MSRA: variants seen among roughly 807,000 people sequenced by gnomAD.
The protein encoded by MSRA is mitochondrial peptide methionine sulfoxide reductase.
In MSRA, 54 loss-of-function variants were observed where a neutral mutation model predicts 31.3. The observed-to-expected ratio is 1.73, with a 90% CI of 1.39 to 2.17. MSRA has a LOEUF of 2.17. MSRA is among the 30% of genes most tolerant of loss of function. The pLI is 0.00. For synonymous variants in MSRA, 169 were observed against 116.5 expected (o/e 1.45, Z -2.90); for missense variants, 507 against 300.9 (o/e 1.69, Z -5.07).
chr8:10,422,788 T>G (rs1044108208), intron 5 of MSRA, among the ~76,000 whole-genome samples: 8 of 152,210 alleles, frequency 5.3e-5, no homozygotes, highest in African/African-American at 1.7e-4. Flanking sequence ...GGCTACCCTA[T>G]GCAGAGGCAG....
chr8:10,361,765 A>T (rs921948915), intron 5 of MSRA, among the ~76,000 whole-genome samples: 31 of 152,364 alleles, frequency 2.0e-4, no homozygotes, highest in Non-Finnish European at 3.8e-4. Flanking sequence ...AACTCTTAAG[A>T]AAATCACTTA....
At chr8:10,265,551 A>T (rs1181806915) in intron 3 of MSRA, among the ~76,000 whole-genome samples, 3 of 152,216 alleles carry the variant, frequency 2.0e-5, no homozygotes, top group Non-Finnish European at 4.4e-5. Context: ...CAGGGACTAG[A>T]CCAGAACCCT....
intron 2 of MSRA, among the ~76,000 whole-genome samples, chr8:10,212,717 T>C (rs756589147): frequency 8.5e-5 from 13 of 152,218 alleles, no homozygotes; most frequent in Non-Finnish European, 1.5e-4. Flanking sequence ...TCTCCATTAC[T>C]TGAGATATTC....
At chr8:10,266,612 T>G (rs949762801) in intron 3 of MSRA, among the ~76,000 whole-genome samples, 1 of 152,176 alleles carries the variant, frequency 6.6e-6, no homozygotes, top group Admixed American at 6.5e-5. Flanking sequence ...TATCGGTTTT[T>G]TTTTTTATGG....
At chr8:10,272,553 C>T (rs868367797) in intron 3 of MSRA, among the ~76,000 whole-genome samples, 5 of 152,178 alleles carry the variant, frequency 3.3e-5, no homozygotes, top group Admixed American at 6.5e-5. Flanking sequence ...ACCGGGTCTA[C>T]GGATTCAAAT....
At chr8:10,067,472 A>T (rs948702746) in intron 1 of MSRA, among the ~76,000 whole-genome samples, 2 of 152,218 alleles carry the variant, frequency 1.3e-5, no homozygotes, top group Non-Finnish European at 2.9e-5. Flanking sequence ...TTTGGCAGTT[A>T]TGAATAAAGC....
chr8:10,157,732 A>T (rs181997275), intron 1 of MSRA, among the ~76,000 whole-genome samples: 1 of 151,982 alleles, frequency 6.6e-6, no homozygotes, highest in Non-Finnish European at 1.5e-5. Context: ...AGGTTCACAC[A>T]TTGCAATTGC....
chr8:10,062,287 C>G (rs1797242623), intron 1 of MSRA, among the ~76,000 whole-genome samples: 1 of 152,212 alleles, frequency 6.6e-6, no homozygotes, highest in Non-Finnish European at 1.5e-5. Flanking sequence ...ATCGGCAACC[C>G]TCTGGGGATG....
intron 1 of MSRA, among the ~76,000 whole-genome samples, chr8:10,150,522 A>G (rs763080256): frequency 7.2e-5 from 11 of 152,194 alleles, no homozygotes; most frequent in Non-Finnish European, 2.9e-5. Flanking sequence ...CATGTAATCA[A>G]CGGCTTACTA....
At chr8:10,098,914 G>A (rs1182596024) in intron 1 of MSRA, among the ~76,000 whole-genome samples, 1 of 152,180 alleles carries the variant, frequency 6.6e-6, no homozygotes, top group Admixed American at 6.5e-5. Context: ...AAACAACAGT[G>A]GCCTGTTTAT....
chr8:10,403,383 G>A (rs533327065), intron 5 of MSRA, among the ~76,000 whole-genome samples: 1 of 152,288 alleles, frequency 6.6e-6, no homozygotes, highest in East Asian at 1.9e-4. Context: ...AGCTCCACAT[G>A]CTCATGCCAT....
chr8:10,395,851 A>C (rs968515688), intron 5 of MSRA, among the ~76,000 whole-genome samples: 2 of 152,212 alleles, frequency 1.3e-5, no homozygotes, highest in African/African-American at 4.8e-5. Flanking sequence ...TAAAAATATA[A>C]AATGGTGCTC....
At chr8:10,190,618 T>C (rs1807428313) in intron 1 of MSRA, among the ~76,000 whole-genome samples, 1 of 152,256 alleles carries the variant, frequency 6.6e-6, no homozygotes, top group Non-Finnish European at 1.5e-5. Flanking sequence ...AGTCCGTGTT[T>C]GCCAGAGAGA....
At chr8:10,145,330 G>A (rs1303171220) in intron 1 of MSRA, among the ~76,000 whole-genome samples, 1 of 152,162 alleles carries the variant, frequency 6.6e-6, no homozygotes, top group Admixed American at 6.5e-5. Context: ...GATAAAGGAT[G>A]GAATAAGACA....
intron 5 of MSRA, among the ~76,000 whole-genome samples, chr8:10,327,079 C>T (rs192231455): frequency 1.2e-3 from 189 of 152,294 alleles, no homozygotes; most frequent in African/African-American, 4.2e-3. Flanking sequence ...GGGTATTTCT[C>T]TCGCGAAAAA....
chr8:10,199,182 G>A (rs988361457), intron 1 of MSRA, among the ~76,000 whole-genome samples: 15 of 152,198 alleles, frequency 9.9e-5, no homozygotes, highest in Admixed American at 5.2e-4. Context: ...TTCTAGGGCC[G>A]CTGGGTTCCT....
intron 3 of MSRA, among the ~76,000 whole-genome samples, chr8:10,276,342 T>C (rs1047898644): frequency 6.6e-6 from 1 of 152,176 alleles, no homozygotes; most frequent in African/African-American, 2.4e-5. Flanking sequence ...CTTGTAATTG[T>C]TACAGGGCCC....
chr8:10,259,522 C>A (rs529824014), intron 3 of MSRA, among the ~76,000 whole-genome samples: 2 of 152,202 alleles, frequency 1.3e-5, no homozygotes, highest in East Asian at 3.9e-4. Flanking sequence ...TCTCCCTGCT[C>A]CTGTGGCTGG....
At chr8:10,143,853 C>G (rs1802912227) in intron 1 of MSRA, among the ~76,000 whole-genome samples, 2 of 152,194 alleles carry the variant, frequency 1.3e-5, no homozygotes, top group Non-Finnish European at 2.9e-5. Flanking sequence ...AAACCTTATT[C>G]TTATTCTTGG....
Sources: gnomAD v4.1 joint callset for allele counts (sites outside exome capture counted in the v4.1 genomes callset) on GRCh38, gnomAD v4.1.1 for gene constraint, MANE v1.5 for transcripts, NCBI Gene and HGNC (gene_info 2026-07-23, HGNC 2026-07-21) for gene names.